MEI1: variants seen among roughly 807,000 people sequenced by gnomAD.
The protein encoded by MEI1 is meiotic double-stranded break formation protein 1.
A neutral mutation model predicts 146.2 loss-of-function variants in MEI1; 103 were observed. The observed-to-expected ratio is 0.70, with a 90% CI of 0.60 to 0.83. The LOEUF (loss-of-function observed/expected upper bound fraction) is 0.83, where lower values mean the gene tolerates loss of function less well. Among genes scored for constraint, MEI1 ranks in the 40% least tolerant of loss-of-function variants. The pLI is 0.00. For missense variants in MEI1, 1,529 were observed against 1,533.0 expected (o/e 1.00, Z 0.04); for synonymous variants, 652 against 628.2 (o/e 1.04, Z -0.57).
At chr22:41,740,715 G>C (rs560357633) in intron 11 of MEI1, among the ~76,000 whole-genome samples, 1 of 152,026 alleles carries the variant, frequency 6.6e-6, no homozygotes, top group East Asian at 1.9e-4. Flanking sequence ...GGGCAGCAGA[G>C]CGAGACCCTG....
intron 1 of MEI1, 74 bp downstream of exon 1, chr22:41,699,786 C>G (rs1383721311): frequency 2.0e-6 from 3 of 1,464,072 alleles, no homozygotes; most frequent in Non-Finnish European, 2.7e-6. Context: ...AGGCCCTTGC[C>G]AGACCCGCTC....
At chr22:41,711,749 C>T (rs2069587234) in intron 3 of MEI1, among the ~76,000 whole-genome samples, 1 of 152,138 alleles carries the variant, frequency 6.6e-6, no homozygotes, top group South Asian at 2.1e-4. Context: ...CCAAATCTCT[C>T]CTCAAAGCCA....
At chr22:41,768,586 T>C (rs2074995821) in intron 19 of MEI1, among the ~76,000 whole-genome samples, 1 of 152,178 alleles carries the variant, frequency 6.6e-6, no homozygotes, top group African/African-American at 2.4e-5. Context: ...TCACAGGCTA[T>C]ACAGGAAGCA....
chr22:41,781,892 A>G (rs1020648272), intron 24 of MEI1, 47 bp downstream of exon 24: 19 of 1,603,212 alleles, frequency 1.2e-5, no homozygotes, highest in Non-Finnish European at 1.1e-5. Context: ...TGGCACTCAA[A>G]GGAGTGTTGA....
intron 7 of MEI1, among the ~76,000 whole-genome samples, chr22:41,726,202 A>G (rs2071340589): frequency 6.6e-6 from 1 of 152,020 alleles, no homozygotes; most frequent in African/African-American, 2.4e-5. Context: ...ATAGCAAGAA[A>G]AGTTTGTCCT....
At chr22:41,757,620 G>A (rs945355546) in intron 17 of MEI1, among the ~76,000 whole-genome samples, 28 of 152,198 alleles carry the variant, frequency 1.8e-4, no homozygotes, top group Middle Eastern at 3.4e-3. Flanking sequence ...GCCTCCCAAA[G>A]TGCTGGGATT....
intron 15 of MEI1, among the ~76,000 whole-genome samples, chr22:41,751,071 A>G (rs73885803): frequency 0.01 from 1,565 of 152,124 alleles, 27 homozygotes; most frequent in African/African-American, 0.036. Context: ...CAGAGGCTCA[A>G]CCTGCAAGAG....
chr22:41,705,443 T>C (rs1431951124), intron 2 of MEI1, 61 bp from the exon 3 acceptor site: 1 of 1,440,366 alleles, frequency 6.9e-7, no homozygotes, highest in African/African-American at 1.4e-5. Flanking sequence ...ATTGCTGGGG[T>C]ACAGATGTGT....
At chr22:41,733,693 G>A (rs533904287) in intron 11 of MEI1, among the ~76,000 whole-genome samples, 3 of 141,214 alleles carry the variant, frequency 2.1e-5, no homozygotes, top group Admixed American at 7.0e-5. Flanking sequence ...CCAAGATTGC[G>A]CCACTGCACT....
At position 41,758,356 on chromosome 22, in the gene MEI1, C is replaced by T; in HGVS notation, c.1952-9C>T. ...CTGTGTGGCTTTCCTCTACTTATTC[C>T]CTCCCTAGAACTCTCTGCAGTGTCT... On this transcript the variant is annotated splice_polypyrimidine_tract_variant and intron_variant, in intron 17 of 30. Coordinates refer to ENST00000401548, the MANE Select transcript of MEI1 (RefSeq NM_152513.4). 6.2e-7 allele frequency: 1 copy of T among 1,606,406 alleles called. No homozygotes were observed. Among genetic ancestry groups the T allele is most frequent in the Non-Finnish European group, 8.5e-7 (1 of 1,174,936 alleles).
At position 41,793,730 on chromosome 22, in the gene MEI1, A is replaced by G. The variant is rs2076272237; in HGVS notation, c.3346-99A>G. 7 of 1,052,094 alleles carry G rather than the reference A, an allele frequency of 6.7e-6. No homozygotes were observed. In the South Asian group the frequency reaches 1.1e-4, roughly 17 times the overall value. The allele number at this position is 1,052,094 out of a possible 1,614,324, so 65.2% of individuals were successfully genotyped here. A position where few individuals can be genotyped will look rare whatever the true frequency, so the allele number is the denominator to read the frequency against. On this transcript the variant is annotated intron_variant, in intron 26 of 30. Transcript: ENST00000401548. ...CTATAATCCCAAATCTGAAATTCTG[A>G]AATCCAAGTAACTCTGAAAACCAAA... is the stretch of plus-strand genomic sequence containing the variant.
At chr22:41,788,221 G>A (rs540751068) in intron 26 of MEI1, among the ~76,000 whole-genome samples, 1 of 152,140 alleles carries the variant, frequency 6.6e-6, no homozygotes, top group African/African-American at 2.4e-5. Context: ...TAGACATGAG[G>A]TTTCACCATG....
At chr22:41,758,637 G>T in intron 18 of MEI1, 104 bp downstream of exon 18, 1 of 1,171,846 alleles carries the variant, frequency 8.5e-7, no homozygotes, top group South Asian at 1.6e-5. Context: ...CTGGGCACTG[G>T]GGACACGGGG....
chr22:41,705,440 G>C, intron 2 of MEI1, 64 bp from the exon 3 acceptor site: 1 of 1,397,152 alleles, frequency 7.2e-7, no homozygotes, highest in Non-Finnish European at 1.0e-6. Flanking sequence ...CAAATTGCTG[G>C]GGTACAGATG....
chr22:41,740,176 C>T (rs574567851), intron 11 of MEI1, among the ~76,000 whole-genome samples: 2 of 151,906 alleles, frequency 1.3e-5, no homozygotes, highest in South Asian at 2.1e-4. Context: ...CCCGCCACCA[C>T]GCCTGGATAC....
At chr22:41,704,378 GT>G (rs919310413) in intron 2 of MEI1, among the ~76,000 whole-genome samples, 16 of 148,304 alleles carry the variant, frequency 1.1e-4, no homozygotes, top group South Asian at 4.3e-4. Flanking sequence ...AGCACATGGG[GT>G]TTTTTTTTGC....
intron 24 of MEI1, among the ~76,000 whole-genome samples, chr22:41,782,059 A>T (rs1324453975): frequency 6.6e-6 from 1 of 152,224 alleles, no homozygotes; most frequent in African/African-American, 2.4e-5. Context: ...TTAACACATA[A>T]GGTTTACCTA....
In MEI1 at chr22:41,730,530, T is replaced by C; in HGVS notation, c.989T>C (p.Phe330Ser). 6.2e-7 allele frequency: 1 copy of C among 1,612,472 alleles called. No individual in the cohort carries two copies. The highest frequency in any genetic ancestry group is 8.5e-7 in the Non-Finnish European group (1 of 1,178,486). ...FIHADIPEFL[F>S]EHLSSSSEVL... ...TCCTCTCCCTTGTTAGAGTTCCTCT[T>C]TGAGCATCTTTCTTCTTCCAGTGAA... The change falls in exon 9 of 31, where the codon TTT (phenylalanine) becomes TCT (serine). Residue 330 changes from phenylalanine to serine, a missense_variant. Around this residue, in one of 3 missense-constraint regions of MEI1, gnomAD observed 1,212 missense variants for 1,178.9 expected, o/e 1.03. Coordinates refer to ENST00000401548, the MANE Select transcript of MEI1 (RefSeq NM_152513.4).
intron 3 of MEI1, among the ~76,000 whole-genome samples, chr22:41,706,540 C>T (rs1156831233): frequency 6.6e-6 from 1 of 152,040 alleles, no homozygotes; most frequent in African/African-American, 2.4e-5. Context: ...TGTCTGCACA[C>T]AGATGGTGGT....
Sources: gnomAD v4.1 joint callset for allele counts (sites outside exome capture counted in the v4.1 genomes callset) on GRCh38, gnomAD v4.1.1 for gene constraint, gnomAD v4.1.1 regional missense constraint, MANE v1.5 for transcripts, NCBI Gene and HGNC (gene_info 2026-07-23, HGNC 2026-07-21) for gene names.